The following DLG2 variants were observed in gnomAD, a reference collection of about 807,000 sequenced individuals.
DLG2 encodes discs large MAGUK scaffold protein 2, also known as disks large homolog 2.
A neutral mutation model predicts 132.5 loss-of-function variants in DLG2; 45 were observed. The ratio of observed to expected loss-of-function variants is 0.34; its 90% CI spans 0.27 to 0.44. The LOEUF (loss-of-function observed/expected upper bound fraction) is 0.44. Ranked by LOEUF, DLG2 falls within the 20% of genes least tolerant of loss-of-function variation. The pLI is 1.00. For synonymous variants in DLG2, 424 were observed against 419.6 expected (o/e 1.01, Z -0.13); for missense variants, 1,045 against 1,196.9 (o/e 0.87, Z 1.87).
chr11:85,622,431 A>G (rs923072187), intron 2 of DLG2, among the ~76,000 whole-genome samples: 6 of 150,742 alleles, frequency 4.0e-5, no homozygotes, highest in Admixed American at 1.3e-4. Flanking sequence ...ATTGATTCTG[A>G]AAAAAAAATG....
At position 83,478,070 on chromosome 11, in the gene DLG2, A is replaced by ATATC. The variant is rs2092764693; in HGVS notation, c.2294-5297_2294-5294dup. 1.3e-5 allele frequency among the ~76,000 whole-genome samples: 2 copies of ATATC among 152,050 alleles called. 1 individual carries two copies. Among genetic ancestry groups the ATATC allele is most frequent in the South Asian group, 4.1e-4 (2 of 4,830 alleles). ...ACTTTGTGCACTTTTTCATTTATTT[A>ATATC]TATCTCTCTCCTACTATTATGTGTG... On this transcript the variant is annotated intron_variant, in intron 22 of 27. Coordinates refer to ENST00000376104, the MANE Select transcript of DLG2 (RefSeq NM_001142699.3).
At chr11:85,027,173 C>CTT (rs10571202) in intron 6 of DLG2, among the ~76,000 whole-genome samples, 27 of 69,362 alleles carry the variant, frequency 3.9e-4, no homozygotes, top group South Asian at 6.6e-4. Flanking sequence ...AGTGTGGTCT[C>CTT]TTTTTTTTTT....
At chr11:85,606,435 G>T (rs2080546766) in intron 2 of DLG2, among the ~76,000 whole-genome samples, 2 of 152,076 alleles carry the variant, frequency 1.3e-5, no homozygotes, top group Non-Finnish European at 2.9e-5. Context: ...TCTAGCTAAA[G>T]GTTTGTTAAT....
At chr11:84,607,904 A>G (rs2099588571) in intron 6 of DLG2, among the ~76,000 whole-genome samples, 1 of 152,144 alleles carries the variant, frequency 6.6e-6, no homozygotes, top group South Asian at 2.1e-4. Flanking sequence ...CTCTGAGATA[A>G]GAATAGTTCT....
chr11:85,573,842 T>G (rs1235914074), intron 3 of DLG2, among the ~76,000 whole-genome samples: 2 of 152,206 alleles, frequency 1.3e-5, no homozygotes, highest in African/African-American at 2.4e-5. Context: ...GCTAAATTCA[T>G]GTGTGTTAAT....
chr11:83,570,868 G>C (rs746156703), intron 19 of DLG2, among the ~76,000 whole-genome samples: 2 of 152,086 alleles, frequency 1.3e-5, no homozygotes, highest in Admixed American at 6.6e-5. Flanking sequence ...TTAAATGACA[G>C]ATGAGTTACT....
chr11:84,478,860 A>G (rs530031832), intron 7 of DLG2, among the ~76,000 whole-genome samples: 1 of 152,114 alleles, frequency 6.6e-6, no homozygotes, highest in Non-Finnish European at 1.5e-5. Context: ...TTTGACGTAT[A>G]AAAGATGATT....
At chr11:85,132,713 C>A in intron 5 of DLG2, 1 of 456,500 alleles carries the variant, frequency 2.2e-6, no homozygotes, top group Non-Finnish European at 4.4e-6. Context: ...ATTACGGGAC[C>A]AGAATAATAA....
In DLG2 at chr11:83,688,773, A is replaced by G. The variant is rs546561931; in HGVS notation, c.1826-55448T>C. Among the ~76,000 whole-genome samples, 192 of 152,282 alleles carry G rather than the reference A, an allele frequency of 1.3e-3. 1 individual carries two copies. Among genetic ancestry groups the G allele is most frequent in the South Asian group, 5.2e-3 (25 of 4,824 alleles). On this transcript the variant is annotated intron_variant, in intron 18 of 27. Coordinates refer to ENST00000376104, the MANE Select transcript of DLG2 (RefSeq NM_001142699.3). ...TCAGAAGGAGAAAGCCTTCCTACATATAAGAGTTTGCCTTCTTTGTTTATC... is the reference window on the plus strand; with the variant it reads ...TCAGAAGGAGAAAGCCTTCCTACATGTAAGAGTTTGCCTTCTTTGTTTATC...
intron 3 of DLG2, among the ~76,000 whole-genome samples, chr11:85,428,911 A>C (rs939974820): frequency 7.9e-5 from 12 of 152,154 alleles, no homozygotes; most frequent in Non-Finnish European, 1.3e-4. Flanking sequence ...AGAGAGAAGA[A>C]TTAAATAGAC....
In DLG2 at chr11:84,099,015, C is replaced by T. The variant is rs758852622; in HGVS notation, c.657G>A (p.Gly219=). The part of the protein sequence containing the change: ...GNSGLGFSIA[G]GTDNPHIGDD... ...CTCCAATGTGGGGATTATCTGTCCC[C>T]CCAGCAATACTGAATCCCAGGCCAG... Residue 219 remains glycine (G), a synonymous_variant, in exon 10 of 28, where the codon GGG becomes GGA. Coordinates refer to ENST00000376104, the MANE Select transcript of DLG2 (RefSeq NM_001142699.3). 2 of 1,613,386 alleles carry T rather than the reference C, an allele frequency of 1.2e-6. No homozygotes were observed. The highest frequency in any genetic ancestry group is 1.7e-5 in the Admixed American group (1 of 59,942).
intron 3 of DLG2, among the ~76,000 whole-genome samples, chr11:85,483,771 C>A (rs1406875812): frequency 6.6e-6 from 1 of 151,788 alleles, no homozygotes; most frequent in African/African-American, 2.4e-5. Context: ...TGGTGAAACC[C>A]TGTCTCTACT....
intron 6 of DLG2, among the ~76,000 whole-genome samples, chr11:84,807,371 G>A (rs565628305): frequency 3.4e-4 from 51 of 152,124 alleles, no homozygotes; most frequent in Admixed American, 1.3e-4. Flanking sequence ...GCTTGAACCC[G>A]GGAGGCAGAT....
intron 6 of DLG2, chr11:84,997,795 G>A (rs1490216159): frequency 6.6e-6 from 1 of 152,198 alleles, no homozygotes; most frequent in Non-Finnish European, 1.5e-5. Flanking sequence ...AGCACCTTCT[G>A]TGTGCCCAAT....
chr11:84,640,026 A>G (rs1003648968), intron 6 of DLG2: 2 of 267,522 alleles, frequency 7.5e-6, no homozygotes, highest in Non-Finnish European at 1.4e-5. Flanking sequence ...GACTGTCGGC[A>G]CTCCAGAAAA....
At chr11:85,197,179 AATATTGAACTTTGCCCTTTATAGTTGAC>A (rs1263850455) in intron 4 of DLG2, among the ~76,000 whole-genome samples, 11 of 152,228 alleles carry the variant, frequency 7.2e-5, no homozygotes, top group African/African-American at 2.7e-4. Context: ...TCTACGATGT[AATATTGAACTTTGCCCTTTATAGTTGAC>A]ATATTACTAA....
intron 18 of DLG2, among the ~76,000 whole-genome samples, chr11:83,698,151 ATAGAGG>A (rs1418832264): frequency 3.9e-5 from 6 of 152,218 alleles, no homozygotes; most frequent in African/African-American, 1.4e-4. Flanking sequence ...ACATGAGATA[ATAGAGG>A]TAAACAGCTT....
At chr11:83,647,650 A>G (rs1046015201) in intron 18 of DLG2, 5 of 152,156 alleles carry the variant, frequency 3.3e-5, no homozygotes, top group African/African-American at 1.2e-4. Flanking sequence ...CTAATCAATC[A>G]TCAGCATTCC....
At chr11:83,520,668 A>AGATAGAT (rs1565616050) in intron 21 of DLG2, among the ~76,000 whole-genome samples, 26 of 76,240 alleles carry the variant, frequency 3.4e-4, no homozygotes, top group African/African-American at 1.1e-3. Context: ...GATAGATAGA[A>AGATAGAT]AGAAAGACAG....
Sources: allele counts gnomAD v4.1 joint callset (sites outside exome capture counted in the v4.1 genomes callset), GRCh38; gene constraint gnomAD v4.1.1; transcripts MANE v1.5; gene names NCBI Gene and HGNC (gene_info 2026-07-23, HGNC 2026-07-21).